Variants in TAS2R1 observed in about 807,000 individuals in gnomAD.
The protein encoded by TAS2R1 is taste 2 receptor member 1, also known as taste receptor type 2 member 1.
For synonymous variants in TAS2R1, 141 were observed against 134.2 expected, an observed-to-expected ratio of 1.05 and a Z score of -0.35; for missense variants, 370 against 353.4, an observed-to-expected ratio of 1.05 and a Z score of -0.38.
chr5:9,869,667 T>C, the TAS2R1 span, among the ~76,000 whole-genome samples: 1 of 152,208 alleles, frequency 6.6e-6, no homozygotes, highest in East Asian at 1.9e-4. Context: ...TCATAATTCA[T>C]TGCTGAGGTA....
At chr5:9,830,552 TAGAG>T in the TAS2R1 span, among the ~76,000 whole-genome samples, 23 of 150,520 alleles carry the variant, frequency 1.5e-4, no homozygotes, top group Admixed American at 5.9e-4. Context: ...TAGACATAAA[TAGAG>T]AGATGATAGA....
chr5:9,792,916 C>A, the TAS2R1 span, among the ~76,000 whole-genome samples: 2 of 152,288 alleles, frequency 1.3e-5, no homozygotes, highest in East Asian at 1.9e-4. Flanking sequence ...CAAGCATATT[C>A]TCTTGAAAGT....
At chr5:9,698,775 G>T (rs943083424) in intron 1 of TAS2R1, among the ~76,000 whole-genome samples, 12 of 152,146 alleles carry the variant, frequency 7.9e-5, no homozygotes, top group Admixed American at 2.0e-4. Context: ...GGGACAAGTG[G>T]CTGAACCGCA....
intron 1 of TAS2R1, among the ~76,000 whole-genome samples, chr5:9,683,997 G>A (rs1165772551): frequency 1.3e-5 from 2 of 151,128 alleles, no homozygotes; most frequent in Non-Finnish European, 2.9e-5. Context: ...GGGATTATAG[G>A]AGAAGACCAG....
intron 2 of TAS2R1, chr5:9,641,292 T>C (rs1270464824): frequency 1.3e-5 from 2 of 152,222 alleles, no homozygotes. Flanking sequence ...TTAACTAGCT[T>C]GGGGAGCAGA....
chr5:9,833,284 C>G, the TAS2R1 span, among the ~76,000 whole-genome samples: 3 of 152,184 alleles, frequency 2.0e-5, no homozygotes, highest in African/African-American at 7.2e-5. Flanking sequence ...ATCTTTGTAG[C>G]TATCTTATTT....
At chr5:9,650,980 C>T (rs1310560753) in intron 2 of TAS2R1, among the ~76,000 whole-genome samples, 1 of 152,116 alleles carries the variant, frequency 6.6e-6, no homozygotes, top group Non-Finnish European at 1.5e-5. Flanking sequence ...CAGAAAGGTC[C>T]ACCAGAGAAT....
the TAS2R1 span, among the ~76,000 whole-genome samples, chr5:9,741,592 T>G: frequency 6.6e-6 from 1 of 152,160 alleles, no homozygotes; most frequent in Non-Finnish European, 1.5e-5. Flanking sequence ...TTTTATCTCG[T>G]GTATGTTGGA....
intron 1 of TAS2R1, among the ~76,000 whole-genome samples, chr5:9,669,502 C>T (rs183125287): frequency 3.3e-5 from 5 of 152,134 alleles, no homozygotes; most frequent in African/African-American, 1.2e-4. Context: ...AAATCAACCA[C>T]ACAATGGCCA....
the TAS2R1 span, among the ~76,000 whole-genome samples, chr5:9,828,234 T>C: frequency 9.9e-5 from 15 of 152,168 alleles, no homozygotes; most frequent in Admixed American, 9.8e-4. Context: ...CAAGCAATTC[T>C]CCTGCCTCGG....
the TAS2R1 span, among the ~76,000 whole-genome samples, chr5:9,847,132 C>G: frequency 6.6e-6 from 1 of 152,184 alleles, no homozygotes; most frequent in African/African-American, 2.4e-5. Flanking sequence ...CTCACAAAAC[C>G]TTACACGCTG....
chr5:9,852,500 A>C, the TAS2R1 span, among the ~76,000 whole-genome samples: 1 of 152,180 alleles, frequency 6.6e-6, no homozygotes, highest in African/African-American at 2.4e-5. Context: ...AAGGTCACTA[A>C]ATTTAATACT....
chr5:9,819,028 T>A, the TAS2R1 span, among the ~76,000 whole-genome samples: 1 of 152,172 alleles, frequency 6.6e-6, no homozygotes, highest in Admixed American at 6.5e-5. Context: ...TGAGAAAACA[T>A]CCCAAGTAAA....
chr5:9,877,756 G>A, the TAS2R1 span, among the ~76,000 whole-genome samples: 3 of 152,178 alleles, frequency 2.0e-5, no homozygotes, highest in Admixed American at 2.0e-4. Flanking sequence ...TTCTGTCTGC[G>A]AACTGCTTAA....
chr5:9,663,137 T>A (rs1338403576), intron 1 of TAS2R1, among the ~76,000 whole-genome samples: 1 of 151,824 alleles, frequency 6.6e-6, no homozygotes, highest in Admixed American at 6.6e-5. Flanking sequence ...TAAAAACTCA[T>A]AAAGTTATCA....
At chr5:9,667,111 C>T (rs1479051813) in intron 1 of TAS2R1, among the ~76,000 whole-genome samples, 4 of 152,120 alleles carry the variant, frequency 2.6e-5, no homozygotes, top group Non-Finnish European at 4.4e-5. Flanking sequence ...TTAATACATG[C>T]ATACCATGTG....
chr5:9,783,241 T>C, the TAS2R1 span, among the ~76,000 whole-genome samples: 1 of 152,198 alleles, frequency 6.6e-6, no homozygotes, highest in African/African-American at 2.4e-5. Context: ...ACTTAAATCA[T>C]CTCACTCAGG....
the TAS2R1 span, among the ~76,000 whole-genome samples, chr5:9,831,968 A>C: frequency 1.1e-4 from 16 of 152,328 alleles, no homozygotes; most frequent in East Asian, 2.9e-3. Context: ...GAAAAGAAAA[A>C]GGAGGCCGAG....
At chr5:9,679,364 A>G (rs2126509062) in intron 1 of TAS2R1, among the ~76,000 whole-genome samples, 1 of 152,328 alleles carries the variant, frequency 6.6e-6, no homozygotes, top group East Asian at 1.9e-4. Context: ...TTAAAAGATC[A>G]TTTTGAGGTT....
Sources: gnomAD v4.1 joint callset for allele counts (sites outside exome capture counted in the v4.1 genomes callset) on GRCh38, gnomAD v4.1.1 for gene constraint, MANE v1.5 for transcripts, NCBI Gene and HGNC (gene_info 2026-07-23, HGNC 2026-07-21) for gene names.